The following AUTS2 variants were observed in gnomAD, a reference collection of about 807,000 sequenced individuals.
AUTS2 encodes autism susceptibility gene 2 protein.
AUTS2 carries 17 observed loss-of-function variants against 112.4 expected under a neutral mutation model. That is an observed-to-expected ratio of 0.15 (90% CI 0.10 to 0.23). The LOEUF is 0.23. AUTS2 is among the 10% of genes least tolerant of loss of function. AUTS2 has a pLI of 1.00. For synonymous variants in AUTS2, 751 were observed against 702.7 expected (o/e 1.07, Z -1.09); for missense variants, 1,510 against 1,701.6 (o/e 0.89, Z 1.98).
intron 1 of AUTS2, among the ~76,000 whole-genome samples, chr7:69,889,895 A>G (rs1794444521): frequency 6.6e-6 from 1 of 152,024 alleles, no homozygotes; most frequent in Non-Finnish European, 1.5e-5. Context: ...CTTCTGTTGT[A>G]TGGTTCTTTT....
At chr7:69,948,566 G>A (rs1789192499) in intron 2 of AUTS2, among the ~76,000 whole-genome samples, 1 of 152,076 alleles carries the variant, frequency 6.6e-6, no homozygotes, top group Non-Finnish European at 1.5e-5. Context: ...CAAACAGAAA[G>A]GGGACAGAGC....
intron 4 of AUTS2, among the ~76,000 whole-genome samples, chr7:70,396,469 C>T (rs181671993): frequency 5.9e-5 from 9 of 152,130 alleles, no homozygotes; most frequent in East Asian, 1.9e-4. Flanking sequence ...CTCTACCTCC[C>T]GGGTTCAAGC....
At chr7:70,733,083 A>G (rs1346524279) in intron 6 of AUTS2, among the ~76,000 whole-genome samples, 1 of 152,248 alleles carries the variant, frequency 6.6e-6, no homozygotes, top group Non-Finnish European at 1.5e-5. Flanking sequence ...TTTATACACC[A>G]TTCAAGAATA....
intron 5 of AUTS2, among the ~76,000 whole-genome samples, chr7:70,552,616 T>C (rs1049566964): frequency 4.6e-5 from 7 of 152,174 alleles, no homozygotes; most frequent in Non-Finnish European, 1.0e-4. Context: ...GTAAAAAAGG[T>C]CTGCATTTAG....
At chr7:70,511,556 A>ATTGTCT (rs1563005631) in intron 5 of AUTS2, among the ~76,000 whole-genome samples, 5 of 41,762 alleles carry the variant, frequency 1.2e-4, no homozygotes, top group African/African-American at 3.9e-4. Flanking sequence ...ACTTTTTTTC[A>ATTGTCT]TTTTCTTTTT....
intron 1 of AUTS2, among the ~76,000 whole-genome samples, chr7:69,627,904 A>C (rs1203818611): frequency 6.6e-6 from 1 of 152,228 alleles, no homozygotes; most frequent in Middle Eastern, 3.2e-3. Context: ...ACAGCACATA[A>C]TGAACATTAT....
chr7:69,733,540 T>C (rs185604310), intron 1 of AUTS2, among the ~76,000 whole-genome samples: 14 of 152,256 alleles, frequency 9.2e-5, no homozygotes, highest in Non-Finnish European at 1.8e-4. Context: ...AGGGCATACG[T>C]TGGCATCATT....
At chr7:69,859,122 A>C (rs759702759) in intron 1 of AUTS2, among the ~76,000 whole-genome samples, 1 of 152,220 alleles carries the variant, frequency 6.6e-6, no homozygotes, top group Non-Finnish European at 1.5e-5. Context: ...AATGAAAGCA[A>C]GAGCTATTAA....
intron 2 of AUTS2, among the ~76,000 whole-genome samples, chr7:70,071,102 T>C (rs546915353): frequency 6.6e-6 from 1 of 152,160 alleles, no homozygotes; most frequent in Admixed American, 6.5e-5. Context: ...TATAATAAAT[T>C]CACTGTTTTG....
At chr7:69,619,750 A>C (rs1157899404) in intron 1 of AUTS2, among the ~76,000 whole-genome samples, 1 of 152,122 alleles carries the variant, frequency 6.6e-6, no homozygotes, top group Admixed American at 6.5e-5. Context: ...TGTTCTAGGC[A>C]CTTGGGATAA....
At chr7:69,935,261 GGTGTAGATATATGT>G (rs1441078974) in intron 2 of AUTS2, among the ~76,000 whole-genome samples, 1 of 152,142 alleles carries the variant, frequency 6.6e-6, no homozygotes, top group African/African-American at 2.4e-5. Context: ...TTGCTTAGGA[GGTGTAGATATATGT>G]GTTGCCAGGG....
intron 5 of AUTS2, among the ~76,000 whole-genome samples, chr7:70,606,390 T>G (rs1429954311): frequency 1.3e-5 from 2 of 152,226 alleles, no homozygotes; most frequent in African/African-American, 4.8e-5. Flanking sequence ...ACATTAATGA[T>G]GAACTTGGTT....
At chr7:70,682,517 C>G (rs539876075) in intron 5 of AUTS2, among the ~76,000 whole-genome samples, 1 of 152,324 alleles carries the variant, frequency 6.6e-6, no homozygotes, top group South Asian at 2.1e-4. Flanking sequence ...CAGTAGCACT[C>G]TTTCTCGAAC....
intron 18 of AUTS2, among the ~76,000 whole-genome samples, chr7:70,788,251 A>G (rs932423003): frequency 6.6e-6 from 1 of 152,158 alleles, no homozygotes; most frequent in African/African-American, 2.4e-5. Flanking sequence ...TTAAGATTCA[A>G]ATTTGATCCG....
At chr7:70,103,828 T>A (rs1341718104) in intron 2 of AUTS2, among the ~76,000 whole-genome samples, 1 of 151,610 alleles carries the variant, frequency 6.6e-6, no homozygotes. Context: ...GAGAATCGCT[T>A]GAACCTGGGA....
intron 2 of AUTS2, among the ~76,000 whole-genome samples, chr7:70,004,422 T>C (rs1218384636): frequency 2.4e-4 from 4 of 16,454 alleles, no homozygotes; most frequent in African/African-American, 7.3e-4. Flanking sequence ...TATAATATAT[T>C]ATATATATAT....
At chr7:70,526,469 G>A (rs1475109386) in intron 5 of AUTS2, among the ~76,000 whole-genome samples, 2 of 152,006 alleles carry the variant, frequency 1.3e-5, no homozygotes, top group Non-Finnish European at 2.9e-5. Context: ...GCCAGGAGTT[G>A]GAGACCAGCC....
intron 2 of AUTS2, among the ~76,000 whole-genome samples, chr7:70,058,051 T>A (rs1036036060): frequency 6.6e-6 from 1 of 152,188 alleles, no homozygotes; most frequent in Non-Finnish European, 1.5e-5. Context: ...TAAACACATG[T>A]TTCATTGGAA....
intron 5 of AUTS2, among the ~76,000 whole-genome samples, chr7:70,619,040 C>T (rs748569100): frequency 6.6e-6 from 1 of 152,140 alleles, no homozygotes; most frequent in Non-Finnish European, 1.5e-5. Flanking sequence ...GGGACACACC[C>T]TGTTTTCAAA....
Sources: allele counts gnomAD v4.1 joint callset (sites outside exome capture counted in the v4.1 genomes callset), GRCh38; gene constraint gnomAD v4.1.1; transcripts MANE v1.5; gene names NCBI Gene and HGNC (gene_info 2026-07-23, HGNC 2026-07-21).